Variants in CBFA2T2 observed in about 807,000 individuals in gnomAD.
The protein encoded by CBFA2T2 is protein CBFA2T2.
Under a neutral mutation model 62.2 loss-of-function variants are expected in CBFA2T2, and 11 were observed. The ratio of observed to expected loss-of-function variants is 0.18; its 90% CI spans 0.11 to 0.29. The LOEUF (loss-of-function observed/expected upper bound fraction) is 0.29, where lower values mean the gene tolerates loss of function less well. CBFA2T2 is among the 10% of genes least tolerant of loss of function. CBFA2T2 has a pLI of 1.00. For synonymous variants in CBFA2T2, 295 were observed against 287.5 expected (o/e 1.03, Z -0.27); for missense variants, 592 against 774.1 (o/e 0.76, Z 2.79).
At chr20:33,640,971 A>C (rs1277384638) in intron 10 of CBFA2T2, among the ~76,000 whole-genome samples, 1 of 152,146 alleles carries the variant, frequency 6.6e-6, no homozygotes, top group Non-Finnish European at 1.5e-5. Context: ...GAATGCAACT[A>C]ATATACCCCT....
intron 1 of CBFA2T2, chr20:33,573,997 C>A: frequency 1.4e-6 from 1 of 724,756 alleles, no homozygotes; most frequent in Non-Finnish European, 2.0e-6. Flanking sequence ...CCATGTTGCC[C>A]AGGTGGGTCT....
At chr20:33,543,317 A>G (rs2012455744) in intron 1 of CBFA2T2, among the ~76,000 whole-genome samples, 1 of 152,172 alleles carries the variant, frequency 6.6e-6, no homozygotes, top group Non-Finnish European at 1.5e-5. Context: ...GCGAAAAATT[A>G]TTATTTTATA....
At position 33,624,979 on chromosome 20, in the gene CBFA2T2, T is replaced by C; in HGVS notation, c.908T>C (p.Leu303Pro). 1 of 1,614,134 alleles carries C rather than the reference T, an allele frequency of 6.2e-7. No individual in the cohort carries two copies. The highest frequency in any genetic ancestry group is 1.1e-5 in the South Asian group (1 of 91,068). The change falls in exon 6 of 11, where the codon CTA becomes CCA. Residue 303 changes from leucine (L) to proline (P), a missense_variant. Transcript: ENST00000342704. ...CTGTATCGGGAACCCAACAAGATGCTAGAGCATCGAGAAGTTCGTGATAGA... is the reference window on the plus strand; with the variant it reads ...CTGTATCGGGAACCCAACAAGATGCCAGAGCATCGAGAAGTTCGTGATAGA... ...SHLYREPNKM[L>P]EHREVRDRHH...
chr20:33,574,346 C>T, intron 1 of CBFA2T2: 1 of 1,361,820 alleles, frequency 7.3e-7, no homozygotes, highest in Non-Finnish European at 1.0e-6. Context: ...GCTTTAAAGG[C>T]CAGGCATGGT....
intron 1 of CBFA2T2, among the ~76,000 whole-genome samples, chr20:33,568,139 A>C (rs1010681167): frequency 6.6e-6 from 1 of 152,222 alleles, no homozygotes; most frequent in African/African-American, 2.4e-5. Context: ...TCTAAGCCTC[A>C]GTTTTCTCAG....
chr20:33,536,971 G>T (rs2012268020), intron 1 of CBFA2T2, among the ~76,000 whole-genome samples: 1 of 151,754 alleles, frequency 6.6e-6, no homozygotes, highest in African/African-American at 2.4e-5. Context: ...AGACGGGATG[G>T]CGGCCGGGAA....
chr20:33,497,517 G>A (rs1208062860), intron 1 of CBFA2T2, among the ~76,000 whole-genome samples: 1 of 150,722 alleles, frequency 6.6e-6, no homozygotes, highest in Non-Finnish European at 1.5e-5. Flanking sequence ...GTTTCCTGCT[G>A]GGACCATGAC....
chr20:33,493,952 C>T (rs931650956), intron 1 of CBFA2T2, among the ~76,000 whole-genome samples: 19 of 151,364 alleles, frequency 1.3e-4, no homozygotes, highest in South Asian at 6.3e-4. Context: ...GGTGCGATCT[C>T]GGCTCACTGC....
intron 1 of CBFA2T2, among the ~76,000 whole-genome samples, chr20:33,547,561 A>T (rs1257741132): frequency 6.6e-6 from 1 of 152,104 alleles, no homozygotes; most frequent in African/African-American, 2.4e-5. Flanking sequence ...ATGCACCTGT[A>T]GTCCTGCTAC....
At chr20:33,528,214 C>G (rs1356971862) in intron 1 of CBFA2T2, among the ~76,000 whole-genome samples, 1 of 152,138 alleles carries the variant, frequency 6.6e-6, no homozygotes, top group Non-Finnish European at 1.5e-5. Context: ...TCTCTCAGAT[C>G]TGGAGACTGT....
chr20:33,520,602 C>T (rs2011701825), intron 1 of CBFA2T2, among the ~76,000 whole-genome samples: 3 of 152,002 alleles, frequency 2.0e-5, no homozygotes, highest in South Asian at 4.2e-4. Flanking sequence ...GAAACCCAGT[C>T]TCTACTAAAA....
chr20:33,576,118 C>T (rs2013815113), intron 1 of CBFA2T2, among the ~76,000 whole-genome samples: 1 of 152,020 alleles, frequency 6.6e-6, no homozygotes, highest in African/African-American at 2.4e-5. Flanking sequence ...TGTAAGAGTC[C>T]AAATGTGGGA....
At chr20:33,621,287 CTTTTTTTTT>C (rs199805350) in intron 4 of CBFA2T2, among the ~76,000 whole-genome samples, 8,895 of 85,294 alleles carry the variant, frequency 0.1, 510 homozygotes, top group East Asian at 0.4. Flanking sequence ...ATTTTACTGC[CTTTTTTTTT>C]TTTTTTTTTT....
chr20:33,524,981 T>C (rs941577280), intron 1 of CBFA2T2, among the ~76,000 whole-genome samples: 1 of 151,740 alleles, frequency 6.6e-6, no homozygotes, highest in Non-Finnish European at 1.5e-5. Flanking sequence ...CTTACAGGTG[T>C]GTGGCACCAC....
At position 33,648,676 on chromosome 20, in the gene CBFA2T2, G is replaced by A. The variant is rs1332821491; in HGVS notation, c.*4030G>A. On this transcript the variant is annotated 3_prime_UTR_variant, in exon 11 of 11. Transcript: ENST00000342704. ...TCTAGGGCAGTGCTGGGTTAGAAAT[G>A]TCTGTCTGGAAACAGGACACATCTT... 1.3e-5 allele frequency: 2 copies of A among 152,218 alleles called. No individual in the cohort carries two copies. Among genetic ancestry groups the A allele is most frequent in the Non-Finnish European group, 2.9e-5 (2 of 68,060 alleles). The allele number at this position is 152,218 out of a possible 1,614,324, so 9.4% of individuals were successfully genotyped here.
At chr20:33,539,856 T>A (rs1888533465) in intron 1 of CBFA2T2, among the ~76,000 whole-genome samples, 1 of 151,948 alleles carries the variant, frequency 6.6e-6, no homozygotes, top group South Asian at 2.1e-4. Flanking sequence ...CTGGATAATT[T>A]TTTTTTTTAA....
intron 3 of CBFA2T2, among the ~76,000 whole-genome samples, chr20:33,613,395 A>T (rs1279483376): frequency 6.6e-6 from 1 of 152,254 alleles, no homozygotes; most frequent in Non-Finnish European, 1.5e-5. Context: ...TTACAGAGGC[A>T]TAGTAAGGAG....
At chr20:33,609,876 T>G (rs565207402) in intron 2 of CBFA2T2, among the ~76,000 whole-genome samples, 2 of 152,270 alleles carry the variant, frequency 1.3e-5, no homozygotes, top group Non-Finnish European at 2.9e-5. Context: ...TTGTTTCTTA[T>G]GTTTTTAGAT....
At chr20:33,495,952 G>A (rs1033305909) in intron 1 of CBFA2T2, among the ~76,000 whole-genome samples, 1 of 152,166 alleles carries the variant, frequency 6.6e-6, no homozygotes, top group Non-Finnish European at 1.5e-5. Flanking sequence ...GACACATTCT[G>A]TTCTGGTGGT....
Sources: gnomAD v4.1 joint callset for allele counts (sites outside exome capture counted in the v4.1 genomes callset) on GRCh38, gnomAD v4.1.1 for gene constraint, MANE v1.5 for transcripts, NCBI Gene and HGNC (gene_info 2026-07-23, HGNC 2026-07-21) for gene names.